ASTN1: variants seen among roughly 807,000 people sequenced by gnomAD.
ASTN1 encodes astrotactin 1.
ASTN1 carries 41 observed loss-of-function variants against 140.7 expected under a neutral mutation model. That is an observed-to-expected ratio of 0.29 (90% CI 0.23 to 0.38). ASTN1 has a LOEUF of 0.38. ASTN1 is among the 10% of genes least tolerant of loss of function. The probability of loss-of-function intolerance (pLI) is 1.00; values close to 1 mark genes in which losing one functional copy is unlikely to be tolerated. For synonymous variants in ASTN1, 640 were observed against 652.2 expected (o/e 0.98, Z 0.29); for missense variants, 1,479 against 1,678.8 (o/e 0.88, Z 2.08).
At chr1:177,102,149 G>A (rs1680331714) in intron 1 of ASTN1, among the ~76,000 whole-genome samples, 1 of 152,142 alleles carries the variant, frequency 6.6e-6, no homozygotes, top group South Asian at 2.1e-4. Context: ...TATCCTTTGT[G>A]CTCCATCTAT....
intron 8 of ASTN1, among the ~76,000 whole-genome samples, chr1:176,971,434 T>C (rs756513059): frequency 2.0e-4 from 30 of 152,210 alleles, no homozygotes; most frequent in Non-Finnish European, 3.8e-4. Context: ...TGAATAATGA[T>C]GCCTAAAGTT....
chr1:177,144,546 C>T (rs1263502166), intron 1 of ASTN1, among the ~76,000 whole-genome samples: 1 of 149,296 alleles, frequency 6.7e-6, no homozygotes, highest in Non-Finnish European at 1.5e-5. Context: ...GCCACCGCGC[C>T]CAGCTGTGGA....
chr1:177,156,306 T>C (rs1385891614), intron 1 of ASTN1, among the ~76,000 whole-genome samples: 1 of 149,986 alleles, frequency 6.7e-6, no homozygotes, highest in African/African-American at 2.5e-5. Context: ...CAACACCATA[T>C]GCTGCTTGGA....
chr1:177,072,076 G>C (rs536446176), intron 1 of ASTN1, among the ~76,000 whole-genome samples: 13 of 152,290 alleles, frequency 8.5e-5, no homozygotes, highest in Non-Finnish European at 1.9e-4. Flanking sequence ...GGAGATAACA[G>C]CCTTCTGACT....
chr1:177,023,613 C>T (rs1675944078), intron 6 of ASTN1, 42 bp from the exon 7 acceptor site: 2 of 1,501,986 alleles, frequency 1.3e-6, no homozygotes, highest in Non-Finnish European at 1.8e-6. Context: ...ATGTGCAACA[C>T]AGCACACGTC....
chr1:177,104,651 G>T (rs1680463654), intron 1 of ASTN1, among the ~76,000 whole-genome samples: 1 of 152,194 alleles, frequency 6.6e-6, no homozygotes, highest in African/African-American at 2.4e-5. Context: ...CTCAAAGACT[G>T]CCACAGATGC....
At position 176,934,171 on chromosome 1, in the gene ASTN1, C is replaced by T. The variant is rs1671331742; in HGVS notation, c.2652G>A (p.Glu884=). Residue 884 remains glutamate (E), a synonymous_variant, in exon 16 of 23, where the codon GAG becomes GAA. Transcript: ENST00000361833. ...ACTCACCTTTACTGATGTCTTCATA[C>T]TCCAGCCAGAGTCGCCGCTGGACCT... ...NKQVQRRLWL[E]YEDISKGNSP... is the part of the protein sequence containing the mutation. 8 of 1,612,742 alleles carry T rather than the reference C, an allele frequency of 5.0e-6. 1 individual carries two copies. In the African/African-American group the frequency reaches 8.0e-5, roughly 16 times the overall value.
chr1:177,003,549 G>A (rs1237360747), intron 8 of ASTN1, among the ~76,000 whole-genome samples: 3 of 152,114 alleles, frequency 2.0e-5, no homozygotes, highest in African/African-American at 4.8e-5. Flanking sequence ...AGTGGCTCAC[G>A]CCTATAATCC....
At chr1:176,988,525 C>T (rs991094930) in intron 8 of ASTN1, among the ~76,000 whole-genome samples, 2 of 152,144 alleles carry the variant, frequency 1.3e-5, no homozygotes, top group Admixed American at 6.6e-5. Context: ...AAGAACTTGG[C>T]TCTGGGTCTA....
At position 176,942,859 on chromosome 1, in the gene ASTN1, TA is replaced by T. The variant is rs1671794835; in HGVS notation, c.2377+1031del. Among the ~76,000 whole-genome samples, 29 of 104,146 alleles carry T rather than the reference TA, an allele frequency of 2.8e-4. 2 individuals are homozygous for T. In the South Asian group the frequency reaches 8.9e-3, roughly 32 times the overall value. 68.3% of individuals were successfully genotyped at this position (104,146 alleles called of 152,430 possible). ...ATGTATATATATATATATATATATA[TA>T]TATATAGATTGATGTCTCATGTCTC... is the stretch of plus-strand genomic sequence containing the variant. On this transcript the variant is annotated intron_variant, in intron 14 of 22. Coordinates refer to ENST00000361833, the MANE Select transcript of ASTN1 (RefSeq NM_004319.3).
At chr1:177,010,909 A>G (rs1437325238) in intron 8 of ASTN1, among the ~76,000 whole-genome samples, 5 of 152,164 alleles carry the variant, frequency 3.3e-5, no homozygotes, top group Non-Finnish European at 5.9e-5. Flanking sequence ...GCTTTTTAGG[A>G]TCATTTAAAT....
chr1:177,142,273 G>GTT (rs556539894), intron 1 of ASTN1, among the ~76,000 whole-genome samples: 1 of 144,222 alleles, frequency 6.9e-6, no homozygotes, highest in African/African-American at 2.5e-5. Flanking sequence ...AATTGCTGTT[G>GTT]TTTTTTTTTT....
chr1:177,120,971 C>T (rs1033426407), intron 1 of ASTN1, among the ~76,000 whole-genome samples: 1 of 152,142 alleles, frequency 6.6e-6, no homozygotes, highest in Non-Finnish European at 1.5e-5. Flanking sequence ...ATGGAAGATG[C>T]TTAGAAGCAT....
rs1668067060 is a variant in ASTN1, at chr1:176,864,444, C to T, written c.3725G>A (p.Ser1242Asn). Residue 1242 changes from serine to asparagine, a missense_variant, in exon 23 of 23, where the codon AGC (serine) becomes AAC (asparagine). Transcript: ENST00000361833. ...CNGLLQEPKI[S>N]LRRSSLKYLG... Reference sequence around the variant, plus strand: ...GTACTTGAGTGAGCTGCGCCGCAAGCTTATCTTGGGTTCCTGAAGGAGTCC... The same window carrying T: ...GTACTTGAGTGAGCTGCGCCGCAAGTTTATCTTGGGTTCCTGAAGGAGTCC... 6.2e-7 allele frequency: 1 copy of T among 1,614,042 alleles called. No individual in the cohort carries two copies. The highest frequency in any genetic ancestry group is 1.3e-5 in the African/African-American group (1 of 74,916).
intron 8 of ASTN1, among the ~76,000 whole-genome samples, chr1:177,005,288 CCAA>C (rs1400468128): frequency 3.9e-5 from 6 of 152,074 alleles, no homozygotes; most frequent in Non-Finnish European, 8.8e-5. Flanking sequence ...CCATTTTACC[CCAA>C]CAAGAATGGC....
At chr1:176,948,767 C>T (rs1672060871) in intron 12 of ASTN1, among the ~76,000 whole-genome samples, 1 of 150,552 alleles carries the variant, frequency 6.6e-6, no homozygotes, top group African/African-American at 2.4e-5. Flanking sequence ...CCAAAGACCA[C>T]CCCCCTTTTT....
At chr1:177,051,892 A>G (rs1021401607) in intron 2 of ASTN1, among the ~76,000 whole-genome samples, 1 of 152,158 alleles carries the variant, frequency 6.6e-6, no homozygotes, top group Non-Finnish European at 1.5e-5. Flanking sequence ...GAATTCCCTA[A>G]ATGACATCAC....
intron 12 of ASTN1, among the ~76,000 whole-genome samples, chr1:176,946,388 T>C (rs1671960502): frequency 6.6e-6 from 1 of 152,210 alleles, no homozygotes; most frequent in African/African-American, 2.4e-5. Flanking sequence ...TCTCCTCTAA[T>C]AACTGTACAG....
At chr1:176,936,655 C>A (rs1671461249) in intron 14 of ASTN1, among the ~76,000 whole-genome samples, 1 of 152,152 alleles carries the variant, frequency 6.6e-6, no homozygotes, top group Non-Finnish European at 1.5e-5. Flanking sequence ...AAAATCGAGG[C>A]TCTAAGGCTG....
Sources: allele counts gnomAD v4.1 joint callset (sites outside exome capture counted in the v4.1 genomes callset), GRCh38; gene constraint gnomAD v4.1.1; transcripts MANE v1.5; gene names NCBI Gene and HGNC (gene_info 2026-07-23, HGNC 2026-07-21).